The following PLXNA4 variants were observed in gnomAD, a reference collection of about 807,000 sequenced individuals.
PLXNA4 encodes the protein plexin A4.
A neutral mutation model predicts 191.8 loss-of-function variants in PLXNA4; 44 were observed. The ratio of observed to expected loss-of-function variants is 0.23; its 90% confidence interval spans 0.18 to 0.29. PLXNA4 has a LOEUF of 0.29. Ranked by LOEUF, PLXNA4 falls within the 10% of genes least tolerant of loss-of-function variation. PLXNA4 has a pLI of 1.00. For missense variants in PLXNA4, 1,800 were observed against 2,488.8 expected (o/e 0.72, Z 5.89); for synonymous variants, 1,082 against 1,009.5 (o/e 1.07, Z -1.36).
rs112096892 is a variant in PLXNA4 at position 132,315,850 on chromosome 7, G to A, written c.1372-17628C>T. 1.1e-3 allele frequency among the ~76,000 whole-genome samples: 175 copies of A among 152,318 alleles called. 1 individual carries two copies. The highest frequency in any genetic ancestry group is 3.8e-3 in the African/African-American group (160 of 41,562). On this transcript the variant is annotated intron_variant, in intron 3 of 31. Transcript: ENST00000321063. ...AGGCAGAGATGGAGGAAAGTGCCACGTGTGTGCAGTGTAGGGTAGTCAGCT... is the reference window on the plus strand; with the variant it reads ...AGGCAGAGATGGAGGAAAGTGCCACATGTGTGCAGTGTAGGGTAGTCAGCT...
Position 132,146,624 on chromosome 7 carries a change from A to T in PLXNA4, c.4941T>A (p.Ser1647Arg), listed in dbSNP as rs1441848340. 1.9e-6 allele frequency: 3 copies of T among 1,613,378 alleles called. No homozygotes were observed. Among genetic ancestry groups the T allele is most frequent in the South Asian group, 2.2e-5 (2 of 91,012 alleles). Reference sequence around the variant, plus strand: ...TCACTAGGTGCCACATCTTGACTCCACTCTCCAGGTCAGGAGTGATCATAG... The same window carrying T: ...TCACTAGGTGCCACATCTTGACTCCTCTCTCCAGGTCAGGAGTGATCATAG... The part of the protein sequence containing the change: ...RTPMITPDLE[S>R]GVKMWHLVKN... Residue 1647 changes from serine to arginine, a missense_variant, in exon 28 of 32, where the codon AGT (serine) becomes AGA (arginine). Ser to Arg is a moderately radical substitution (Grantham distance 110). Coordinates refer to ENST00000321063, the MANE Select transcript of PLXNA4 (RefSeq NM_020911.2).
chr7:132,424,681 A>G (rs1307194810), intron 3 of PLXNA4, among the ~76,000 whole-genome samples: 1 of 152,198 alleles, frequency 6.6e-6, no homozygotes, highest in East Asian at 1.9e-4. Context: ...CCTCCCTCAA[A>G]TGGTGAATTC....
intron 29 of PLXNA4, among the ~76,000 whole-genome samples, chr7:132,141,762 C>A (rs1473111624): frequency 6.6e-6 from 1 of 152,080 alleles, no homozygotes; most frequent in African/African-American, 2.4e-5. Context: ...TGGAGTTTTG[C>A]TCTGTCACCC....
chr7:132,193,641 T>G (rs1379955649), intron 14 of PLXNA4, among the ~76,000 whole-genome samples: 1 of 152,230 alleles, frequency 6.6e-6, no homozygotes, highest in Non-Finnish European at 1.5e-5. Flanking sequence ...TATCCTCATT[T>G]TATAAATGAA....
At chr7:132,371,376 A>G (rs1260496703) in intron 3 of PLXNA4, among the ~76,000 whole-genome samples, 1 of 152,072 alleles carries the variant, frequency 6.6e-6, no homozygotes, top group African/African-American at 2.4e-5. Context: ...ATCCTCAGCT[A>G]CCTCTTCTCT....
At chr7:132,195,311 C>A (rs1037378189) in intron 13 of PLXNA4, among the ~76,000 whole-genome samples, 1 of 152,158 alleles carries the variant, frequency 6.6e-6, no homozygotes, top group Non-Finnish European at 1.5e-5. Flanking sequence ...TTTTCAGCAG[C>A]CTCACAGTAT....
intron 1 of PLXNA4, among the ~76,000 whole-genome samples, chr7:132,541,098 G>C (rs898655890): frequency 2.0e-5 from 3 of 152,180 alleles, no homozygotes; most frequent in South Asian, 4.2e-4. Flanking sequence ...CCAGAGGGGA[G>C]AAAAGTAACA....
In PLXNA4 at chr7:132,606,489, C is replaced by T. The variant is rs184599989; in HGVS notation, c.-87+39439G>A. ...TGTAAGCACACGTTCTATACATTCT[C>T]ATGCCACTCAGTTCAGCTGTATGCA... On this transcript the variant is annotated intron_variant, in intron 2 of 4. Coordinates refer to the PLXNA4 transcript ENST00000378539. 2.4e-4 allele frequency among the ~76,000 whole-genome samples: 36 copies of T among 152,350 alleles called. No individual in the cohort carries two copies. The East Asian group carries it at 6.2e-3, about 26-fold the overall frequency.
chr7:132,132,438 TTCTGTTC>T (rs1177806800), intron 31 of PLXNA4, among the ~76,000 whole-genome samples: 7 of 81,022 alleles, frequency 8.6e-5, no homozygotes, highest in South Asian at 1.3e-3. Context: ...TTCTGTTCTG[TTCTGTTC>T]TGTTCTGTTC....
intron 8 of PLXNA4, among the ~76,000 whole-genome samples, chr7:132,224,725 G>C (rs936998349): frequency 6.6e-6 from 1 of 152,176 alleles, no homozygotes; most frequent in Non-Finnish European, 1.5e-5. Context: ...CAGCTTTGCC[G>C]CAAGAGGCAA....
At chr7:132,269,623 G>A (rs1383789284) in intron 4 of PLXNA4, among the ~76,000 whole-genome samples, 1 of 152,208 alleles carries the variant, frequency 6.6e-6, no homozygotes, top group South Asian at 2.1e-4. Context: ...ACCCACTGGT[G>A]GGACTCTGAC....
chr7:132,356,142 C>A (rs998862301), intron 3 of PLXNA4, among the ~76,000 whole-genome samples: 7 of 152,166 alleles, frequency 4.6e-5, no homozygotes, highest in African/African-American at 1.7e-4. Context: ...TAAGCCAGAT[C>A]TTCCTAGAAG....
At chr7:132,378,082 T>C (rs961091231) in intron 3 of PLXNA4, among the ~76,000 whole-genome samples, 1 of 152,014 alleles carries the variant, frequency 6.6e-6, no homozygotes, top group Admixed American at 6.6e-5. Context: ...ACCATCACAC[T>C]CTCCTGGTGA....
intron 4 of PLXNA4, among the ~76,000 whole-genome samples, chr7:132,259,986 G>GTATTATTTTGT (rs1349913484): frequency 6.6e-6 from 1 of 152,124 alleles, no homozygotes; most frequent in Non-Finnish European, 1.5e-5. Context: ...TGTCAGAAAG[G>GTATTATTTTGT]CTATTATTAA....
intron 3 of PLXNA4, among the ~76,000 whole-genome samples, chr7:132,397,579 G>A (rs1793818197): frequency 6.6e-6 from 1 of 152,162 alleles, no homozygotes; most frequent in Non-Finnish European, 1.5e-5. Context: ...AATTCCACAG[G>A]ATACAGAAAG....
At chr7:132,220,917 A>G (rs569901541) in intron 9 of PLXNA4, among the ~76,000 whole-genome samples, 1 of 150,374 alleles carries the variant, frequency 6.7e-6, no homozygotes, top group South Asian at 2.1e-4. Context: ...GGCTCAAGCA[A>G]TCCTCCCATC....
At chr7:132,146,216 G>A (rs955945735) in intron 28 of PLXNA4, among the ~76,000 whole-genome samples, 2 of 151,986 alleles carry the variant, frequency 1.3e-5, no homozygotes, top group African/African-American at 2.4e-5. Flanking sequence ...GCAGAAGAAT[G>A]TGAAAAGAGG....
intron 25 of PLXNA4, among the ~76,000 whole-genome samples, chr7:132,153,340 GGAGCT>G (rs1193234290): frequency 6.6e-6 from 1 of 152,122 alleles, no homozygotes; most frequent in Non-Finnish European, 1.5e-5. Flanking sequence ...CAAGGTGTCT[GGAGCT>G]GAGCTGAGGC....
intron 29 of PLXNA4, among the ~76,000 whole-genome samples, chr7:132,142,375 G>GTAAT (rs984293062): frequency 1.2e-4 from 19 of 152,242 alleles, no homozygotes; most frequent in African/African-American, 4.6e-4. Context: ...CTCACTGATG[G>GTAAT]TAATAGTTAG....
Sources: allele counts gnomAD v4.1 joint callset (sites outside exome capture counted in the v4.1 genomes callset), GRCh38; gene constraint gnomAD v4.1.1; transcripts MANE v1.5; gene names NCBI Gene and HGNC (gene_info 2026-07-23, HGNC 2026-07-21).